Variants in QSOX2 observed in about 807,000 individuals in gnomAD.
QSOX2 encodes quiescin sulfhydryl oxidase 2.
A neutral mutation model predicts 61.7 loss-of-function variants in QSOX2; 46 were observed. That is an observed-to-expected ratio of 0.75 (90% CI 0.59 to 0.95). The LOEUF is 0.95. QSOX2 is among the 40% of genes least tolerant of loss of function. QSOX2 has a pLI of 0.00. For missense variants in QSOX2, 879 were observed against 918.9 expected (o/e 0.96, Z 0.56); for synonymous variants, 383 against 388.4 (o/e 0.99, Z 0.16).
Position 136,223,817 on chromosome 9 carries a change from G to A in QSOX2, c.621C>T (p.Gly207=), listed in dbSNP as rs1588636436. 2 of 1,614,084 alleles carry A rather than the reference G, an allele frequency of 1.2e-6. No individual in the cohort carries two copies. The highest frequency in any genetic ancestry group is 1.7e-6 in the Non-Finnish European group (2 of 1,180,032). ...SDVLSLLDNR[G]SHYVAIVFES... is the part of the protein sequence containing the mutation. ...CAAAGACAATAGCCACGTAATGGCT[G>A]CCACGGTTGTCAAGAAGGGAAAGAA... Residue 207 remains glycine (G), a synonymous_variant, in exon 5 of 12, where the codon GGC becomes GGT. Transcript: ENST00000358701. This position sits in a 1 kb window ranked among gnomAD's most constrained non-coding sequence, Gnocchi z 4.4.
At chr9:136,218,476 C>G (rs1368685089) in intron 8 of QSOX2, among the ~76,000 whole-genome samples, 1 of 152,260 alleles carries the variant, frequency 6.6e-6, no homozygotes, top group Admixed American at 6.5e-5. Context: ...ACCGCCCCAG[C>G]CCCAGTGCTG....
rs1163193567 is a variant in QSOX2 at position 136,221,608 on chromosome 9, T to G, written c.821+188A>C. Among the ~76,000 whole-genome samples the G allele has an allele frequency of 6.6e-6, 1 of 151,974 alleles. No homozygotes were observed. Among genetic ancestry groups the G allele is most frequent in the Non-Finnish European group, 1.5e-5 (1 of 67,988 alleles). On this transcript the variant is annotated intron_variant, in intron 6 of 11. Transcript: ENST00000358701. This position sits in a 1 kb window ranked among gnomAD's most constrained non-coding sequence, Gnocchi z 4.5. Reference sequence around the variant, plus strand: ...GGACACAGCAGTGAGAAAACAGAAATCCACGAAAACACAGCACAGATCAGC... The same window carrying G: ...GGACACAGCAGTGAGAAAACAGAAAGCCACGAAAACACAGCACAGATCAGC...
intron 10 of QSOX2, among the ~76,000 whole-genome samples, chr9:136,212,726 G>A (rs1251883091): frequency 6.6e-6 from 1 of 152,232 alleles, no homozygotes; most frequent in Non-Finnish European, 1.5e-5. Context: ...CACCGCAGGC[G>A]CGGGGCCACC....
chr9:136,240,746 T>C (rs923336979), intron 1 of QSOX2, among the ~76,000 whole-genome samples: 1 of 152,230 alleles, frequency 6.6e-6, no homozygotes, highest in Admixed American at 6.5e-5. Flanking sequence ...TCGCCTCATC[T>C]GGGGACTGAG....
In QSOX2 at chr9:136,223,801, T is replaced by C; in HGVS notation, c.637A>G (p.Ile213Val). 3.1e-6 allele frequency: 5 copies of C among 1,613,966 alleles called. No individual in the cohort carries two copies. The highest frequency in any genetic ancestry group is 1.1e-5 in the South Asian group (1 of 91,074). The change falls in exon 5 of 12, where the codon ATT becomes GTT. Residue 213 changes from isoleucine to valine, a missense_variant. Coordinates refer to ENST00000358701, the MANE Select transcript of QSOX2 (RefSeq NM_181701.4). This position sits in a 1 kb window ranked among gnomAD's most constrained non-coding sequence, Gnocchi z 4.4. ...LDNRGSHYVA[I>V]VFESNSSYLG... is the part of the protein sequence containing the mutation. ...TAGGAGCTGTTGCTTTCAAAGACAA[T>C]AGCCACGTAATGGCTGCCACGGTTG...
chr9:136,243,779 C>T (rs552470591), intron 1 of QSOX2, among the ~76,000 whole-genome samples: 2 of 152,346 alleles, frequency 1.3e-5, no homozygotes, highest in African/African-American at 4.8e-5. Context: ...GTCAGGTCAC[C>T]GCTGTCTTTC....
intron 1 of QSOX2, among the ~76,000 whole-genome samples, chr9:136,236,395 C>T (rs1341036242): frequency 4.6e-5 from 7 of 152,380 alleles, no homozygotes; most frequent in African/African-American, 7.2e-5. Context: ...TGAAACAGGA[C>T]GCCCTCTGAA....
chr9:136,210,808 G>A, intron 11 of QSOX2: 1 of 985,026 alleles, frequency 1.0e-6, no homozygotes, highest in Non-Finnish European at 1.2e-6. Flanking sequence ...TTAACTCTGA[G>A]AAAATACATG....
rs1164368335 is a variant in QSOX2, at chr9:136,209,039, G to T, written c.1786C>A (p.Pro596Thr). Reference protein sequence around the residue: ...RGEEEEKRLTPPEVSHGDRDT... With the variant: ...RGEEEEKRLTTPEVSHGDRDT... ...CGGTCTCCATGGGACACCTCTGGGG[G>T]AGTGAGTCTTTTCTCCTCTTCCTCA... is the stretch of plus-strand genomic sequence containing the variant. The change falls in exon 12 of 12, where the codon CCC becomes ACC. Residue 596 changes from proline to threonine, a missense_variant. Pro to Thr is a conservative substitution (Grantham distance 38). Transcript: ENST00000358701. The surrounding 1 kb of genome is among the most constrained non-coding windows in gnomAD (Gnocchi z 5.6). 6.2e-7 allele frequency: 1 copy of T among 1,614,120 alleles called. No homozygotes were observed. The highest frequency in any genetic ancestry group is 1.1e-5 in the South Asian group (1 of 91,082).
At position 136,207,335 on chromosome 9, in the gene QSOX2, T is replaced by G. The variant is rs1420507672; in HGVS notation, c.*1393A>C. The G allele has an allele frequency of 6.6e-6, 1 of 150,770 alleles. No individual in the cohort carries two copies. The highest frequency in any genetic ancestry group is 1.5e-5 in the Non-Finnish European group (1 of 67,914). The allele number at this position is 150,770 out of a possible 1,614,324, so 9.3% of individuals were successfully genotyped here. On this transcript the variant is annotated 3_prime_UTR_variant, in exon 12 of 12. Transcript: ENST00000358701. ...AAGTAGGCAAAGCGGAAAAAATATCTACAACCGTCAAAGTCTCTCTCTCTC... is the reference window on the plus strand; with the variant it reads ...AAGTAGGCAAAGCGGAAAAAATATCGACAACCGTCAAAGTCTCTCTCTCTC...
chr9:136,209,096 CCCCCTGGTCTGCGGAATA>C lies in QSOX2; in HGVS notation c.1711_1728del (p.Tyr571_Gly576del), dbSNP rs1831814137. 6.2e-7 allele frequency: 1 copy of C among 1,614,166 alleles called. No individual in the cohort carries two copies. On this transcript the variant is annotated inframe_deletion, in exon 12 of 12. Coordinates refer to ENST00000358701, the MANE Select transcript of QSOX2 (RefSeq NM_181701.4). This position sits in a 1 kb window ranked among gnomAD's most constrained non-coding sequence, Gnocchi z 5.6. ...GCCAGGGTTCCTCCTTCACTGGAAT[CCCCCTGGTCTGCGGAATA>C]CGTGTCTAAGAGGTTGTCGCGGCCA...
chr9:136,220,540 G>A (rs185279964), intron 6 of QSOX2, among the ~76,000 whole-genome samples: 54 of 152,246 alleles, frequency 3.5e-4, no homozygotes, highest in Admixed American at 5.9e-4. Flanking sequence ...ACCAGCACAT[G>A]CTGGAAGCCT....
rs1830226220 is a variant in QSOX2 at position 136,222,250 on chromosome 9, A to G, written c.676-309T>C. On this transcript the variant is annotated intron_variant, in intron 5 of 11. Transcript: ENST00000358701. The surrounding 1 kb of genome is among the most constrained non-coding windows in gnomAD (Gnocchi z 6.9). ...CCCCCCACAACACTGATACTGGTCA[A>G]GTGAGTCCCTGCACACAGCAGCCAC... is the stretch of plus-strand genomic sequence containing the variant. Among the ~76,000 whole-genome samples the G allele has an allele frequency of 6.6e-6, 1 of 152,216 alleles. No homozygotes were observed. Among genetic ancestry groups the G allele is most frequent in the African/African-American group, 2.4e-5 (1 of 41,446 alleles).
chr9:136,214,432 C>G (rs529491069), intron 10 of QSOX2, among the ~76,000 whole-genome samples: 2 of 152,220 alleles, frequency 1.3e-5, no homozygotes. Context: ...ATATCATCCT[C>G]GGATAGGCAC....
At chr9:136,211,597 C>T in intron 10 of QSOX2, 145 bp from the exon 11 acceptor site, 1 of 742,154 alleles carries the variant, frequency 1.3e-6, no homozygotes. Flanking sequence ...GCTGTGGGCA[C>T]AGACCAGAAG....
chr9:136,235,776 C>T (rs1173316795), intron 1 of QSOX2, among the ~76,000 whole-genome samples: 2 of 152,184 alleles, frequency 1.3e-5, no homozygotes, highest in African/African-American at 2.4e-5. Flanking sequence ...GGCAGCATGG[C>T]CCAGTGGTGG....
At chr9:136,232,634 T>C (rs1447317753) in intron 1 of QSOX2, among the ~76,000 whole-genome samples, 1 of 152,076 alleles carries the variant, frequency 6.6e-6, no homozygotes, top group Non-Finnish European at 1.5e-5. Flanking sequence ...GGTAAACCAC[T>C]GTCAGGATAC....
rs552295830 is a variant in QSOX2 at position 136,221,863 on chromosome 9, G to A, written c.754C>T (p.Leu252Phe). The change falls in exon 6 of 12, where the codon CTT becomes TTT. Residue 252 changes from leucine to phenylalanine, a missense_variant. Coordinates refer to ENST00000358701, the MANE Select transcript of QSOX2 (RefSeq NM_181701.4). The surrounding 1 kb of genome is among the most constrained non-coding windows in gnomAD (Gnocchi z 4.5). ...CACGAAGGGACTGAAGAAACACCAA[G>A]TTTCTCCAGAAATGCTTTGTCCCCG... is the stretch of plus-strand genomic sequence containing the variant. ...LDGDKAFLEK[L>F]GVSSVPSCYL... 7.4e-6 allele frequency: 12 copies of A among 1,613,036 alleles called. No individual in the cohort carries two copies. The South Asian group carries it at 1.3e-4, about 18-fold the overall frequency.
At chr9:136,214,810 C>T (rs1002638831) in intron 10 of QSOX2, among the ~76,000 whole-genome samples, 3 of 152,348 alleles carry the variant, frequency 2.0e-5, no homozygotes, top group African/African-American at 4.8e-5. Flanking sequence ...ATAATGAGAA[C>T]ACCTCTCCAA....
Sources: allele counts gnomAD v4.1 joint callset (sites outside exome capture counted in the v4.1 genomes callset), GRCh38; gene constraint gnomAD v4.1.1; non-coding constraint Gnocchi (gnomAD v3.1); transcripts MANE v1.5; gene names NCBI Gene and HGNC (gene_info 2026-07-23, HGNC 2026-07-21).